Variants in NIPA1 observed in about 807,000 individuals in gnomAD.
NIPA1 encodes the protein magnesium transporter NIPA1.
Under a neutral mutation model 23.9 loss-of-function variants are expected in NIPA1, and 13 were observed. The ratio of observed to expected loss-of-function variants is 0.54; its 90% CI spans 0.35 to 0.87. The LOEUF (loss-of-function observed/expected upper bound fraction) is 0.87, where lower values mean the gene tolerates loss of function less well. Ranked by LOEUF, NIPA1 falls within the 40% of genes least tolerant of loss-of-function variation. NIPA1 has a pLI of 0.01. For synonymous variants in NIPA1, 234 were observed against 202.9 expected (o/e 1.15, Z -1.30); for missense variants, 362 against 429.7 (o/e 0.84, Z 1.39).
At position 22,786,734 on chromosome 15, in the gene NIPA1, C is replaced by A. The variant is rs1250405296; in HGVS notation, c.78C>A (p.Ala26=). The part of the protein sequence containing the change: ...AGEGARSPSP[A]AVSLGLGVAV... ...AGGGGGCGCGTAGCCCGAGCCCCGC[C>A]GCCGTGTCGCTCGGCCTGGGCGTGG... The change falls in exon 1 of 5, where the codon GCC becomes GCA. Residue 26 remains alanine (A), a synonymous_variant. Coordinates refer to ENST00000337435, the MANE Select transcript of NIPA1 (RefSeq NM_144599.5). 5.5e-6 allele frequency: 7 copies of A among 1,263,838 alleles called. No individual in the cohort carries two copies. The East Asian group carries it at 2.8e-4, about 50-fold the overall frequency. The allele number at this position is 1,263,838 out of a possible 1,614,324, so 78.3% of individuals were successfully genotyped here. A position where few individuals can be genotyped will look rare whatever the true frequency, so the allele number is the denominator to read the frequency against.
intron 1 of NIPA1, among the ~76,000 whole-genome samples, chr15:22,797,337 G>A (rs1177608623): frequency 6.6e-5 from 10 of 151,908 alleles, no homozygotes; most frequent in African/African-American, 2.4e-4. Context: ...AGCCTCCCAA[G>A]TAGCTGGGAC....
intron 1 of NIPA1, among the ~76,000 whole-genome samples, chr15:22,801,171 CCT>C (rs1470936960): frequency 1.3e-5 from 2 of 152,064 alleles, no homozygotes; most frequent in African/African-American, 2.4e-5. Context: ...AGCTTGTCCC[CCT>C]GTTAGATGTT....
chr15:22,793,128 T>A (rs1052224904), intron 1 of NIPA1, among the ~76,000 whole-genome samples: 4 of 151,472 alleles, frequency 2.6e-5, no homozygotes, highest in Admixed American at 2.0e-4. Flanking sequence ...GGTGGGCAGA[T>A]CACCTGAGGT....
intron 1 of NIPA1, among the ~76,000 whole-genome samples, chr15:22,795,307 A>T (rs1037090162): frequency 6.6e-6 from 1 of 152,056 alleles, no homozygotes; most frequent in Admixed American, 6.6e-5. Flanking sequence ...GCTGCTGCGT[A>T]CCGAAGCCCC....
At chr15:22,814,198 GAAA>G in intron 3 of NIPA1, 1 of 822,420 alleles carries the variant, frequency 1.2e-6, no homozygotes, top group Non-Finnish European at 1.7e-6. Flanking sequence ...AATTAATTTG[GAAA>G]AAAACAATCA....
intron 1 of NIPA1, among the ~76,000 whole-genome samples, chr15:22,796,134 C>G (rs1190554964): frequency 6.6e-6 from 1 of 151,754 alleles, no homozygotes; most frequent in South Asian, 2.1e-4. Context: ...GTTGTCCAGG[C>G]TGGTCTTGAA....
intron 1 of NIPA1, among the ~76,000 whole-genome samples, chr15:22,797,868 G>A (rs966483040): frequency 5.0e-5 from 7 of 141,158 alleles, no homozygotes; most frequent in Admixed American, 2.2e-4. Context: ...TTTTTGAGAC[G>A]GAGTCTTGCT....
In NIPA1 at chr15:22,812,173, C is replaced by A. The variant is rs747399075; in HGVS notation, c.237C>A (p.Gly79=). 7 of 1,612,194 alleles carry A rather than the reference C, an allele frequency of 4.3e-6. No individual in the cohort carries two copies. The highest frequency in any genetic ancestry group is 5.9e-6 in the Non-Finnish European group (7 of 1,178,932). The change falls in exon 3 of 5, where the codon GGC becomes GGA. Residue 79 remains glycine (G), a synonymous_variant. Coordinates refer to ENST00000337435, the MANE Select transcript of NIPA1 (RefSeq NM_144599.5). The part of the protein sequence containing the change: ...WWAGTIAMAV[G]QIGNFLAYTA... ...TGATTTTCTTGACAGTGGCTGTTGG[C>A]CAGATTGGAAACTTCCTGGCTTACA...
rs1308671999 is a variant in NIPA1, at chr15:22,799,963, AAAAAAAAAG to A, written c.179-10785_179-10777del. Reference sequence around the variant, plus strand: ...TGTCTCAAAAAAAAAAAAAAAAAAAAAAAAAAAAGGGAAAGAAAAGATGATGTAATAGAC... The same window carrying A: ...TGTCTCAAAAAAAAAAAAAAAAAAAAGGAAAGAAAAGATGATGTAATAGAC... On this transcript the variant is annotated intron_variant, in intron 1 of 4. Coordinates refer to ENST00000337435, the MANE Select transcript of NIPA1 (RefSeq NM_144599.5). 3.9e-4 allele frequency among the ~76,000 whole-genome samples: 59 copies of A among 150,228 alleles called. 1 individual carries two copies. Among genetic ancestry groups the A allele is most frequent in the South Asian group, 1.9e-3 (9 of 4,778 alleles).
chr15:22,810,988 C>G (rs1021852793), intron 2 of NIPA1, 192 bp downstream of exon 2: 1 of 618,190 alleles, frequency 1.6e-6, no homozygotes, highest in East Asian at 2.8e-5. Context: ...TCCCTGCTCC[C>G]CTTCCTCCCA....
rs1417324442 is a variant in NIPA1 at position 22,825,674 on chromosome 15, T to A, written c.*1435T>A. 1 of 152,300 alleles carries A rather than the reference T, an allele frequency of 6.6e-6. No individual in the cohort carries two copies. The highest frequency in any genetic ancestry group is 1.5e-5 in the Non-Finnish European group (1 of 68,040). The allele number at this position is 152,300 out of a possible 1,614,324, so 9.4% of individuals were successfully genotyped here. A position where few individuals can be genotyped will look rare whatever the true frequency, so the allele number is the denominator to read the frequency against. On this transcript the variant is annotated 3_prime_UTR_variant, in exon 5 of 5. Coordinates refer to ENST00000337435, the MANE Select transcript of NIPA1 (RefSeq NM_144599.5). The stretch of plus-strand genomic sequence containing the variant: ...ACAGGAACAAGTTAAAGGACACAAT[T>A]GAGGTTAGGCTAGCTTCTACAAATT...
chr15:22,788,857 T>C lies in NIPA1; in HGVS notation c.178+2023T>C, dbSNP rs1343000752. On this transcript the variant is annotated intron_variant, in intron 1 of 4. Coordinates refer to ENST00000337435, the MANE Select transcript of NIPA1 (RefSeq NM_144599.5). ...TTGCTTGAACCCAGGAGGGGGAGGT[T>C]GCAGTGAGCCAAAATTGTGCCATTG... Among the ~76,000 whole-genome samples the C allele has an allele frequency of 1.2e-4, 16 of 128,036 alleles. No individual in the cohort carries two copies. The Admixed American group carries it at 1.4e-3, about 11-fold the overall frequency. The allele number at this position is 128,036 out of a possible 152,430, so 84.0% of individuals were successfully genotyped here. A position where few individuals can be genotyped will look rare whatever the true frequency, so the allele number is the denominator to read the frequency against.
intron 1 of NIPA1, among the ~76,000 whole-genome samples, chr15:22,807,361 A>ACT (rs767360677): frequency 1.3e-5 from 2 of 152,310 alleles, no homozygotes; most frequent in East Asian, 1.9e-4. Flanking sequence ...AGGGTCACAC[A>ACT]GTCCAGCTGC....
chr15:22,812,809 T>G (rs1294322813), intron 3 of NIPA1, among the ~76,000 whole-genome samples: 1 of 152,186 alleles, frequency 6.6e-6, no homozygotes, highest in East Asian at 1.9e-4. Context: ...AATCTGATGC[T>G]CTCATTCTCC....
At position 22,816,133 on chromosome 15, in the gene NIPA1, G is replaced by A. The variant is rs1053368033; in HGVS notation, c.317+3880G>A. 5.1e-4 allele frequency among the ~76,000 whole-genome samples: 77 copies of A among 149,644 alleles called. No homozygotes were observed. The Middle Eastern group carries it at 0.018, about 34-fold the overall frequency. ...AACAAATTAAAAGGCATCCATATTG[G>A]AAAGGAAAGGAAGAATTTAATTGCC... is the stretch of plus-strand genomic sequence containing the variant. On this transcript the variant is annotated intron_variant, in intron 3 of 4. Coordinates refer to ENST00000337435, the MANE Select transcript of NIPA1 (RefSeq NM_144599.5).
chr15:22,788,625 A>C (rs11263687), intron 1 of NIPA1, among the ~76,000 whole-genome samples: 43,645 of 151,920 alleles, frequency 0.29, 6,826 homozygotes, highest in Non-Finnish European at 0.36. Context: ...ACATTAGGGA[A>C]AAACGAAGGA....
At chr15:22,822,638 G>A (rs1895561924) in intron 4 of NIPA1, among the ~76,000 whole-genome samples, 1 of 152,130 alleles carries the variant, frequency 6.6e-6, no homozygotes, top group Non-Finnish European at 1.5e-5. Flanking sequence ...AGACCAGCCT[G>A]GCCAACATGG....
At chr15:22,813,610 A>G (rs911224511) in intron 3 of NIPA1, 7 of 455,748 alleles carry the variant, frequency 1.5e-5, no homozygotes, top group African/African-American at 1.2e-4. Flanking sequence ...TCATGGATAC[A>G]TTGGTTTTCT....
rs1474044136 is a variant in NIPA1 at position 22,786,674 on chromosome 15, G to T, written c.18G>T (p.Ala6=). The T allele has an allele frequency of 2.8e-6, 3 of 1,074,916 alleles. No individual in the cohort carries two copies. Among genetic ancestry groups the T allele is most frequent in the African/African-American group, 3.7e-5 (2 of 53,808 alleles). 66.6% of individuals were successfully genotyped at this position (1,074,916 alleles called of 1,614,324 possible). The change falls in exon 1 of 5, where the codon GCG becomes GCT. Residue 6 remains alanine (A), a synonymous_variant. Coordinates refer to ENST00000337435, the MANE Select transcript of NIPA1 (RefSeq NM_144599.5). MGTAA[A]AAAAAAAAAA... ...CGGGCGGAATGGGGACTGCAGCTGCGGCAGCGGCGGCGGCGGCGGCGGCGG... is the reference window on the plus strand; with the variant it reads ...CGGGCGGAATGGGGACTGCAGCTGCTGCAGCGGCGGCGGCGGCGGCGGCGG...
Sources: allele counts gnomAD v4.1 joint callset (sites outside exome capture counted in the v4.1 genomes callset), GRCh38; gene constraint gnomAD v4.1.1; transcripts MANE v1.5; gene names NCBI Gene and HGNC (gene_info 2026-07-23, HGNC 2026-07-21).